Variants in CUL5 observed in about 807,000 individuals in gnomAD.
The protein encoded by CUL5 is cullin 5.
CUL5 carries 26 observed loss-of-function variants against 108.8 expected under a neutral mutation model. The ratio of observed to expected loss-of-function variants is 0.24; its 90% CI spans 0.18 to 0.33. CUL5 has a LOEUF of 0.33. CUL5 is among the 10% of genes least tolerant of loss of function. The probability of loss-of-function intolerance (pLI) is 1.00; values close to 1 mark genes in which losing one functional copy is unlikely to be tolerated. For synonymous variants in CUL5, 334 were observed against 298.0 expected (o/e 1.12, Z -1.25); for missense variants, 524 against 909.2 (o/e 0.58, Z 5.45).
chr11:108,089,277 C>A (rs914963166), intron 12 of CUL5, among the ~76,000 whole-genome samples: 1 of 152,030 alleles, frequency 6.6e-6, no homozygotes, highest in Admixed American at 6.6e-5. Flanking sequence ...GATATTTAGA[C>A]CGACTAACAA....
At chr11:108,022,546 A>G (rs758165587) in intron 1 of CUL5, among the ~76,000 whole-genome samples, 55 of 152,190 alleles carry the variant, frequency 3.6e-4, no homozygotes, top group Non-Finnish European at 6.9e-4. Context: ...TGTTCTAGAA[A>G]GATCTATGTA....
At chr11:108,014,537 C>G (rs1396819628) in intron 1 of CUL5, among the ~76,000 whole-genome samples, 1 of 152,150 alleles carries the variant, frequency 6.6e-6, no homozygotes, top group Non-Finnish European at 1.5e-5. Context: ...GGCTTTTACA[C>G]ATAAATAAAA....
intron 2 of CUL5, among the ~76,000 whole-genome samples, chr11:108,035,982 G>C (rs1862733063): frequency 6.6e-6 from 1 of 152,144 alleles, no homozygotes; most frequent in African/African-American, 2.4e-5. Context: ...CATATTTCAA[G>C]TCCGAGTGAT....
chr11:108,089,279 G>A (rs1223364050), intron 12 of CUL5, among the ~76,000 whole-genome samples: 1 of 152,062 alleles, frequency 6.6e-6, no homozygotes, highest in Admixed American at 6.6e-5. Flanking sequence ...TATTTAGACC[G>A]ACTAACAATT....
chr11:108,107,051 A>G lies in CUL5; in HGVS notation c.*2667A>G, dbSNP rs1391055825. 8 of 151,392 alleles carry G rather than the reference A, an allele frequency of 5.3e-5. No individual in the cohort carries two copies. In the East Asian group the frequency reaches 7.7e-4, roughly 15 times the overall value. 9.4% of individuals were successfully genotyped at this position (151,392 alleles called of 1,614,324 possible). On this transcript the variant is annotated 3_prime_UTR_variant, in exon 19 of 19. Transcript: ENST00000393094. ...ATATAGAAAAATTTTGATGGTCACA[A>G]TGAGATAAATATTAGAATATTACTA...
intron 1 of CUL5, among the ~76,000 whole-genome samples, chr11:108,019,012 T>C (rs1451056043): frequency 1.3e-5 from 2 of 152,148 alleles, no homozygotes; most frequent in Admixed American, 1.3e-4. Context: ...TGTACAGACC[T>C]TTTTTTCTTA....
At chr11:108,096,218 A>C (rs1295247513) in intron 16 of CUL5, among the ~76,000 whole-genome samples, 2 of 151,284 alleles carry the variant, frequency 1.3e-5, no homozygotes, top group Non-Finnish European at 2.9e-5. Flanking sequence ...AGGCTGGGGC[A>C]GTGGCTCATG....
chr11:108,055,661 C>G (rs1420430391), intron 7 of CUL5, among the ~76,000 whole-genome samples: 3 of 150,584 alleles, frequency 2.0e-5, no homozygotes, highest in Non-Finnish European at 4.4e-5. Context: ...GACAAGGGCT[C>G]TCTCTGTTGC....
chr11:108,049,791 A>G (rs1362223874), intron 3 of CUL5, 99 bp from the exon 4 acceptor site: 2 of 943,658 alleles, frequency 2.1e-6, no homozygotes, highest in Non-Finnish European at 1.6e-6. Flanking sequence ...TTGTACAATA[A>G]TTTAAAAATT....
chr11:108,087,983 A>G (rs923111597), intron 11 of CUL5, among the ~76,000 whole-genome samples: 1 of 152,054 alleles, frequency 6.6e-6, no homozygotes, highest in Non-Finnish European at 1.5e-5. Flanking sequence ...CTAAAAAAAA[A>G]TTTGTATCAG....
At chr11:108,092,502 TA>T (rs1864384729) in intron 13 of CUL5, among the ~76,000 whole-genome samples, 1 of 152,248 alleles carries the variant, frequency 6.6e-6, no homozygotes, top group Non-Finnish European at 1.5e-5. Flanking sequence ...TACAATGGAA[TA>T]TTTTTTGTGA....
At chr11:108,092,090 T>C (rs1217150600) in intron 13 of CUL5, among the ~76,000 whole-genome samples, 1 of 152,122 alleles carries the variant, frequency 6.6e-6, no homozygotes, top group East Asian at 1.9e-4. Flanking sequence ...TGAGCTGAGA[T>C]TGTGCCACTG....
chr11:108,085,098 A>C (rs988964210), intron 11 of CUL5: 2 of 152,240 alleles, frequency 1.3e-5, no homozygotes, highest in Non-Finnish European at 2.9e-5. Flanking sequence ...AAATGAAAAC[A>C]TACTTTCATT....
At chr11:108,034,498 C>T (rs568064210) in intron 2 of CUL5, among the ~76,000 whole-genome samples, 2 of 152,150 alleles carry the variant, frequency 1.3e-5, no homozygotes, top group African/African-American at 4.8e-5. Flanking sequence ...GCTAATCTTA[C>T]AAGCAGGCAT....
chr11:108,009,139 G>A lies in CUL5; in HGVS notation c.-210G>A. The A allele has an allele frequency of 1.7e-6, 1 of 597,518 alleles. No homozygotes were observed. The highest frequency in any genetic ancestry group is 3.0e-6 in the Non-Finnish European group (1 of 329,772). The allele number at this position is 597,518 out of a possible 1,614,324, so 37.0% of individuals were successfully genotyped here. A position where few individuals can be genotyped will look rare whatever the true frequency, so the allele number is the denominator to read the frequency against. ...TGCATGAGGTCTTTCGCGTGGGGAA[G>A]CTCCGGTGACCATGTAGGGGAGAAG... is the stretch of plus-strand genomic sequence containing the variant. On this transcript the variant is annotated 5_prime_UTR_variant, in exon 1 of 19. Coordinates refer to ENST00000393094, the MANE Select transcript of CUL5 (RefSeq NM_003478.6).
intron 2 of CUL5, among the ~76,000 whole-genome samples, chr11:108,035,457 CCAGA>C (rs938804528): frequency 3.9e-5 from 6 of 152,070 alleles, no homozygotes; most frequent in African/African-American, 1.2e-4. Context: ...TCTTTGACGG[CCAGA>C]CAAAGTGGCT....
intron 2 of CUL5, among the ~76,000 whole-genome samples, chr11:108,043,254 T>C (rs1041773141): frequency 1.3e-5 from 2 of 152,162 alleles, no homozygotes; most frequent in African/African-American, 4.8e-5. Context: ...ATTTTATTTT[T>C]GTATAGATGT....
Position 108,106,730 on chromosome 11 carries a change from T to A in CUL5, c.*2346T>A, listed in dbSNP as rs1199336545. 2.6e-5 allele frequency: 4 copies of A among 151,678 alleles called. No homozygotes were observed. Among genetic ancestry groups the A allele is most frequent in the African/African-American group, 9.7e-5 (4 of 41,142 alleles). The allele number at this position is 151,678 out of a possible 1,614,324, so 9.4% of individuals were successfully genotyped here. A position where few individuals can be genotyped will look rare whatever the true frequency, so the allele number is the denominator to read the frequency against. On this transcript the variant is annotated 3_prime_UTR_variant, in exon 19 of 19. Coordinates refer to ENST00000393094, the MANE Select transcript of CUL5 (RefSeq NM_003478.6). ...AGTTTGTAAAGGTCTGGAATCACAG[T>A]TGGCATCCTTTATTCAGGTCTCTTC...
intron 18 of CUL5, among the ~76,000 whole-genome samples, chr11:108,103,809 G>T (rs889823069): frequency 1.3e-5 from 2 of 152,160 alleles, no homozygotes; most frequent in African/African-American, 4.8e-5. Flanking sequence ...TCTATAGTCA[G>T]ATTTTTTTTA....
Sources: gnomAD v4.1 joint callset for allele counts (sites outside exome capture counted in the v4.1 genomes callset) on GRCh38, gnomAD v4.1.1 for gene constraint, MANE v1.5 for transcripts, NCBI Gene and HGNC (gene_info 2026-07-23, HGNC 2026-07-21) for gene names.